The following MPRIP variants were observed in gnomAD, a reference collection of about 807,000 sequenced individuals.
The protein encoded by MPRIP is myosin phosphatase Rho interacting protein.
Under a neutral mutation model 234.9 loss-of-function variants are expected in MPRIP, and 59 were observed. That is an observed-to-expected ratio of 0.25 (90% confidence interval 0.20 to 0.31). The LOEUF is 0.31. Ranked by LOEUF, MPRIP falls within the 10% of genes least tolerant of loss-of-function variation. The probability of loss-of-function intolerance (pLI) is 1.00; values close to 1 mark genes in which losing one functional copy is unlikely to be tolerated. For missense variants in MPRIP, 2,436 were observed against 3,071.0 expected, an observed-to-expected ratio of 0.79 and a Z score of 4.89; for synonymous variants, 1,144 against 1,263.9, an observed-to-expected ratio of 0.91 and a Z score of 2.01.
chr17:17,123,723 AAG>A lies in MPRIP; in HGVS notation c.268-2977_268-2976del, dbSNP rs1491232021. On this transcript the variant is annotated intron_variant, in intron 3 of 23. Coordinates refer to ENST00000651222, the MANE Select transcript of MPRIP (RefSeq NM_001364716.4). ...CGTCTCAAAAAAAAAAAAAAAAAAA[AAG>A]AAAGAAAAAACGAAAAGTTAATACC... 6.6e-5 allele frequency among the ~76,000 whole-genome samples: 10 copies of A among 150,428 alleles called. 1 individual carries two copies. The highest frequency in any genetic ancestry group is 2.0e-4 in the African/African-American group (8 of 40,590).
intron 1 of MPRIP, among the ~76,000 whole-genome samples, chr17:17,063,782 G>A (rs948789201): frequency 2.6e-5 from 4 of 152,232 alleles, no homozygotes; most frequent in East Asian, 1.9e-4. Context: ...AGCATGTTGT[G>A]TGGGCTGGTT....
At chr17:17,096,288 GGTGTGTGT>G (rs59748753) in intron 3 of MPRIP, among the ~76,000 whole-genome samples, 5,930 of 136,486 alleles carry the variant, frequency 0.043, 170 homozygotes, top group Middle Eastern at 0.1. Context: ...GTGTGTGCAG[GGTGTGTGT>G]GTGTGTGTGT....
chr17:17,088,085 G>A (rs1044256157), intron 3 of MPRIP, among the ~76,000 whole-genome samples: 5 of 152,272 alleles, frequency 3.3e-5, no homozygotes, highest in Non-Finnish European at 5.9e-5. Context: ...TCAAGGGGCT[G>A]AAGAGGGGTT....
intron 15 of MPRIP, 46 bp from the exon 16 acceptor site, chr17:17,164,063 G>A: frequency 1.6e-6 from 2 of 1,258,354 alleles, no homozygotes; most frequent in East Asian, 5.7e-5. Context: ...ACTCAGAACT[G>A]GGAGGCCCGA....
rs767781361 is a variant in MPRIP at position 17,158,872 on chromosome 17, G to A, written c.2270G>A (p.Arg757Gln). 27 of 1,611,972 alleles carry A rather than the reference G, an allele frequency of 1.7e-5. No individual in the cohort carries two copies. The highest frequency in any genetic ancestry group is 2.3e-5 in the Non-Finnish European group (27 of 1,180,030). Residue 757 changes from arginine (R) to glutamine (Q), a missense_variant, in exon 14 of 24, where the codon CGG becomes CAG. Transcript: ENST00000651222. ...THNVHVEIEQ[R>Q]WHQVETTPLR... is the part of the protein sequence containing the mutation. ...AACGTCCACGTGGAGATTGAGCAGCGGTGGCATCAGGTGGAGACCACACCT... is the reference window on the plus strand; with the variant it reads ...AACGTCCACGTGGAGATTGAGCAGCAGTGGCATCAGGTGGAGACCACACCT...
chr17:17,142,798 G>A, intron 8 of MPRIP, 33 bp downstream of exon 8: 3 of 1,606,294 alleles, frequency 1.9e-6, no homozygotes, highest in South Asian at 2.2e-5. Context: ...CACCTCAGGG[G>A]TGGCTCGGGG....
At chr17:17,071,396 AAAAG>A (rs1374570356) in intron 1 of MPRIP, among the ~76,000 whole-genome samples, 5 of 152,160 alleles carry the variant, frequency 3.3e-5, no homozygotes, top group African/African-American at 1.2e-4. Context: ...TAGTGAGACA[AAAAG>A]AAAGCCTGGG....
intron 3 of MPRIP, among the ~76,000 whole-genome samples, chr17:17,122,528 T>C (rs1479704013): frequency 1.3e-5 from 2 of 152,170 alleles, no homozygotes; most frequent in Non-Finnish European, 2.9e-5. Flanking sequence ...TAATTTTTTG[T>C]ATTTTTAGTA....
Position 17,173,976 on chromosome 17 carries a change from G to A in MPRIP, c.6651G>A (p.Lys2217=), listed in dbSNP as rs760024305. 1.1e-5 allele frequency: 17 copies of A among 1,613,642 alleles called. No homozygotes were observed. The highest frequency in any genetic ancestry group is 1.4e-5 in the Non-Finnish European group (16 of 1,180,044). ...TCCTCTCGGAGCAGTACTCGCAGAA[G>A]TGCCTGGAGAATGCCCATCTGGCCC... ...LEVLSEQYSQ[K]CLENAHLAQA... Residue 2217 remains lysine, a synonymous_variant, in exon 19 of 24, where the codon AAG becomes AAA. Coordinates refer to ENST00000651222, the MANE Select transcript of MPRIP (RefSeq NM_001364716.4).
intron 1 of MPRIP, among the ~76,000 whole-genome samples, chr17:17,072,662 G>A (rs1455304093): frequency 6.6e-6 from 1 of 152,162 alleles, no homozygotes; most frequent in Non-Finnish European, 1.5e-5. Context: ...GGGAGCTGAG[G>A]AGGCTGGGGG....
chr17:17,089,451 T>G (rs902957087), intron 3 of MPRIP, among the ~76,000 whole-genome samples: 1 of 152,200 alleles, frequency 6.6e-6, no homozygotes, highest in Non-Finnish European at 1.5e-5. Context: ...TAGATCAGAA[T>G]CTGGATGACT....
chr17:17,134,225 T>C (rs1277503340), intron 5 of MPRIP, among the ~76,000 whole-genome samples: 1 of 152,216 alleles, frequency 6.6e-6, no homozygotes, highest in African/African-American at 2.4e-5. Flanking sequence ...TGGGGAGCCT[T>C]CTGAAACTGC....
chr17:17,171,440 C>A, intron 16 of MPRIP: 1 of 358,912 alleles, frequency 2.8e-6, no homozygotes, highest in Non-Finnish European at 5.0e-6. Flanking sequence ...ACCTACCATA[C>A]CAACTTCTCC....
chr17:17,181,488 A>G (rs2046373649), intron 23 of MPRIP: 1 of 152,124 alleles, frequency 6.6e-6, no homozygotes, highest in African/African-American at 2.4e-5. Flanking sequence ...GTTTGGTTTT[A>G]TTTTTCTACA....
At chr17:17,140,201 T>A (rs2090784313) in intron 7 of MPRIP, among the ~76,000 whole-genome samples, 1 of 152,176 alleles carries the variant, frequency 6.6e-6, no homozygotes, top group African/African-American at 2.4e-5. Flanking sequence ...CAGGATCAGC[T>A]ATGTCCTGGT....
chr17:17,185,876 GT>G lies in MPRIP; in HGVS notation c.*985del, dbSNP rs918908590. ...AATCTGATGAGAACAGCACATTAGT[GT>G]TTATTGAGACTCCGATCTTAACTCT... On this transcript the variant is annotated 3_prime_UTR_variant, in exon 24 of 24. Transcript: ENST00000651222. 1.1e-5 allele frequency: 2 copies of G among 179,186 alleles called. No homozygotes were observed. The highest frequency in any genetic ancestry group is 4.8e-5 in the African/African-American group (2 of 41,736). 11.1% of individuals were successfully genotyped at this position (179,186 alleles called of 1,614,324 possible).
At chr17:17,089,478 A>AT (rs1212944055) in intron 3 of MPRIP, among the ~76,000 whole-genome samples, 14 of 151,422 alleles carry the variant, frequency 9.2e-5, no homozygotes, top group African/African-American at 3.4e-4. Flanking sequence ...TTCATTTTTT[A>AT]TTTTTTAGAG....
chr17:17,074,647 T>C (rs1377846450), intron 1 of MPRIP, among the ~76,000 whole-genome samples: 1 of 152,242 alleles, frequency 6.6e-6, no homozygotes, highest in East Asian at 1.9e-4. Flanking sequence ...CCTTATTTCC[T>C]TTCCTCCAGT....
At chr17:17,142,558 G>A in intron 7 of MPRIP, 69 bp from the exon 8 acceptor site, 4 of 1,564,486 alleles carry the variant, frequency 2.6e-6, no homozygotes, top group Non-Finnish European at 3.5e-6. Context: ...GGGCATGGGA[G>A]GAGTCGGCTC....
Sources: gnomAD v4.1 joint callset for allele counts (sites outside exome capture counted in the v4.1 genomes callset) on GRCh38, gnomAD v4.1.1 for gene constraint, MANE v1.5 for transcripts, NCBI Gene and HGNC (gene_info 2026-07-23, HGNC 2026-07-21) for gene names.